The following C1QTNF3 variants were observed in gnomAD, a reference collection of about 807,000 sequenced individuals.
C1QTNF3 encodes the protein C1q and TNF related 3, also known as complement C1q tumor necrosis factor-related protein 3.
Under a neutral mutation model 32.6 loss-of-function variants are expected in C1QTNF3, and 26 were observed. That is an observed-to-expected ratio of 0.80 (90% CI 0.58 to 1.11). The LOEUF (loss-of-function observed/expected upper bound fraction) is 1.11, where lower values mean the gene tolerates loss of function less well. C1QTNF3 is among the 50% of genes least tolerant of loss of function. The pLI is 0.00. For missense variants in C1QTNF3, 362 were observed against 398.2 expected (o/e 0.91, Z 0.77); for synonymous variants, 155 against 146.0 (o/e 1.06, Z -0.44).
chr5:34,056,371 G>A, the C1QTNF3 span, among the ~76,000 whole-genome samples: 2 of 147,062 alleles, frequency 1.4e-5, no homozygotes, highest in African/African-American at 2.5e-5. Context: ...TTGTCTCTAA[G>A]AATCATACTT....
At chr5:34,068,249 T>C in the C1QTNF3 span, among the ~76,000 whole-genome samples, 1 of 152,190 alleles carries the variant, frequency 6.6e-6, no homozygotes, top group Non-Finnish European at 1.5e-5. Flanking sequence ...TGGTTTTTGC[T>C]TTATTCACGG....
chr5:34,145,423 TC>T, the C1QTNF3 span, among the ~76,000 whole-genome samples: 2 of 151,720 alleles, frequency 1.3e-5, no homozygotes, highest in African/African-American at 2.4e-5. Flanking sequence ...AGATAATACC[TC>T]AGAATTGAAC....
chr5:34,223,795 G>A, the C1QTNF3 span, among the ~76,000 whole-genome samples: 1 of 152,008 alleles, frequency 6.6e-6, no homozygotes, highest in Admixed American at 6.6e-5. Flanking sequence ...TGGAAGTTCT[G>A]GCCACGGCAA....
chr5:34,049,088 A>G, the C1QTNF3 span, among the ~76,000 whole-genome samples: 1 of 152,130 alleles, frequency 6.6e-6, no homozygotes, highest in Admixed American at 6.6e-5. Flanking sequence ...GTATACCTGG[A>G]TTGGATTTAG....
intron 1 of C1QTNF3, 68 bp from the exon 2 acceptor site, chr5:34,035,826 C>T: frequency 8.3e-7 from 1 of 1,202,904 alleles, no homozygotes; most frequent in Non-Finnish European, 1.2e-6. Context: ...TTTAAATTTC[C>T]ACTGGCCTTG....
the C1QTNF3 span, among the ~76,000 whole-genome samples, chr5:34,115,423 C>T: frequency 0.51 from 77,769 of 151,798 alleles, 22,020 homozygotes; most frequent in Non-Finnish European, 0.63. Context: ...ACATCTTCCG[C>T]CAATTCTGGA....
the C1QTNF3 span, among the ~76,000 whole-genome samples, chr5:34,091,736 G>A: frequency 1.4e-3 from 209 of 151,342 alleles, no homozygotes; most frequent in African/African-American, 4.6e-3. Context: ...ATGATGTCTC[G>A]TTTTATAAGC....
the C1QTNF3 span, among the ~76,000 whole-genome samples, chr5:34,075,054 T>A: frequency 6.6e-6 from 1 of 151,772 alleles, no homozygotes; most frequent in Admixed American, 6.6e-5. Context: ...ATATGTAATT[T>A]TAAACAGAAA....
chr5:34,209,753 T>C, the C1QTNF3 span, among the ~76,000 whole-genome samples: 2 of 152,090 alleles, frequency 1.3e-5, no homozygotes, highest in African/African-American at 4.8e-5. Flanking sequence ...GACAGCCATG[T>C]TCAATGAAAT....
At chr5:34,084,986 C>CTTTT in the C1QTNF3 span, among the ~76,000 whole-genome samples, 37 of 69,972 alleles carry the variant, frequency 5.3e-4, no homozygotes, top group African/African-American at 1.0e-3. Flanking sequence ...ACGTTTAAGT[C>CTTTT]TTTTTTTTTT....
the C1QTNF3 span, among the ~76,000 whole-genome samples, chr5:34,090,516 CTTTGT>C: frequency 0.01 from 1,528 of 151,560 alleles, 17 homozygotes; most frequent in African/African-American, 0.032. Flanking sequence ...CCCCAAAAGC[CTTTGT>C]TTTAACAATA....
chr5:34,028,414 A>G (rs1028367867), intron 4 of C1QTNF3, among the ~76,000 whole-genome samples: 2 of 152,190 alleles, frequency 1.3e-5, no homozygotes, highest in Non-Finnish European at 2.9e-5. Flanking sequence ...AAGGACTTTT[A>G]AAGTCAGAGG....
chr5:34,107,537 T>C, the C1QTNF3 span, among the ~76,000 whole-genome samples: 5 of 151,920 alleles, frequency 3.3e-5, no homozygotes, highest in South Asian at 4.1e-4. Context: ...GCAAACAAGA[T>C]AGAATTAAGA....
the C1QTNF3 span, among the ~76,000 whole-genome samples, chr5:34,205,596 T>C: frequency 6.6e-6 from 1 of 152,118 alleles, no homozygotes. Flanking sequence ...GTATGTTTTC[T>C]GAGGCTTCCC....
chr5:34,091,555 A>T, the C1QTNF3 span, among the ~76,000 whole-genome samples: 1 of 152,270 alleles, frequency 6.6e-6, no homozygotes, highest in Non-Finnish European at 1.5e-5. Flanking sequence ...GAGTTTTAAA[A>T]TGTTTGCTAT....
chr5:34,211,357 T>A, the C1QTNF3 span, among the ~76,000 whole-genome samples: 51 of 152,262 alleles, frequency 3.3e-4, no homozygotes, highest in African/African-American at 1.1e-3. Flanking sequence ...TTATTTTGCA[T>A]GAGGTGCCAC....
chr5:34,206,074 T>C, the C1QTNF3 span, among the ~76,000 whole-genome samples: 1 of 152,176 alleles, frequency 6.6e-6, no homozygotes, highest in South Asian at 2.1e-4. Context: ...AATACATTAA[T>C]TGGTATTATA....
chr5:34,209,203 T>C, the C1QTNF3 span, among the ~76,000 whole-genome samples: 1 of 152,212 alleles, frequency 6.6e-6, no homozygotes, highest in Non-Finnish European at 1.5e-5. Flanking sequence ...AAAATGAGAA[T>C]AGCCTGGTGG....
chr5:34,120,553 C>G, the C1QTNF3 span, among the ~76,000 whole-genome samples: 1 of 152,296 alleles, frequency 6.6e-6, no homozygotes, highest in Admixed American at 6.5e-5. Context: ...ATAGCTCCCA[C>G]AGTTCCCACG....
Sources: gnomAD v4.1 joint callset for allele counts (sites outside exome capture counted in the v4.1 genomes callset) on GRCh38, gnomAD v4.1.1 for gene constraint, MANE v1.5 for transcripts, NCBI Gene and HGNC (gene_info 2026-07-23, HGNC 2026-07-21) for gene names.